The following SLC24A2 variants were observed in gnomAD, a reference collection of about 807,000 sequenced individuals.
SLC24A2 encodes sodium/potassium/calcium exchanger 2.
SLC24A2 carries 36 observed loss-of-function variants against 62.0 expected under a neutral mutation model. The ratio of observed to expected loss-of-function variants is 0.58; its 90% CI spans 0.44 to 0.77. SLC24A2 has a LOEUF of 0.77. SLC24A2 is among the 30% of genes least tolerant of loss of function. The pLI, the probability that SLC24A2 is intolerant of heterozygous loss-of-function variation, is 0.00. For synonymous variants in SLC24A2, 358 were observed against 294.0 expected (o/e 1.22, Z -2.23); for missense variants, 846 against 817.9 (o/e 1.03, Z -0.42).
intron 2 of SLC24A2, among the ~76,000 whole-genome samples, chr9:19,687,598 ACTT>A (rs1391715388): frequency 2.6e-5 from 4 of 151,994 alleles, no homozygotes; most frequent in Middle Eastern, 3.2e-3. Flanking sequence ...GTGTTTCTCA[ACTT>A]CTTCTTGAGC....
At chr9:19,571,923 G>C (rs1323212855) in intron 7 of SLC24A2, among the ~76,000 whole-genome samples, 1 of 152,160 alleles carries the variant, frequency 6.6e-6, no homozygotes, top group African/African-American at 2.4e-5. Context: ...TACAAACTAG[G>C]TAACCCCAAT....
At chr9:19,974,560 C>T in the SLC24A2 span, among the ~76,000 whole-genome samples, 311 of 152,244 alleles carry the variant, frequency 2.0e-3, 6 homozygotes, top group Non-Finnish European at 3.5e-4. Flanking sequence ...TTTTTCCTTG[C>T]AACATCCTAG....
chr9:20,207,093 A>G, the SLC24A2 span, among the ~76,000 whole-genome samples: 1 of 152,212 alleles, frequency 6.6e-6, no homozygotes, highest in Admixed American at 6.5e-5. Flanking sequence ...ATACTGAGTA[A>G]CATTCACTGA....
the SLC24A2 span, among the ~76,000 whole-genome samples, chr9:20,254,590 G>A: frequency 6.6e-6 from 1 of 152,158 alleles, no homozygotes; most frequent in African/African-American, 2.4e-5. Context: ...GTGAAGGGAG[G>A]AGAAGGGTAA....
intron 8 of SLC24A2, among the ~76,000 whole-genome samples, chr9:19,548,014 T>TAAGTGAGCCACACCTGTGTCATGCATC: frequency 6.6e-6 from 1 of 151,734 alleles, no homozygotes; most frequent in East Asian, 1.9e-4. Context: ...AATATTGCTT[T>TAAGTGAGCCACACCTGTGTCATGCATC]AAGTGAGCCA....
intron 4 of SLC24A2, among the ~76,000 whole-genome samples, chr9:19,608,793 TACACAC>T (rs111384476): frequency 1.4e-5 from 2 of 145,894 alleles, no homozygotes; most frequent in Admixed American, 1.4e-4. Context: ...CACACACACA[TACACAC>T]ACACACACAC....
chr9:19,577,156 C>T, intron 5 of SLC24A2, 134 bp from the exon 6 acceptor site: 1 of 757,864 alleles, frequency 1.3e-6, no homozygotes, highest in Non-Finnish European at 2.4e-6. Flanking sequence ...CCCCAATGCA[C>T]CAGGACCTTC....
chr9:20,144,864 G>A, the SLC24A2 span, among the ~76,000 whole-genome samples: 1 of 152,008 alleles, frequency 6.6e-6, no homozygotes, highest in African/African-American at 2.4e-5. Flanking sequence ...AAACTTCAGT[G>A]GTGCTAGTTC....
At chr9:19,958,409 G>A in the SLC24A2 span, among the ~76,000 whole-genome samples, 1 of 152,200 alleles carries the variant, frequency 6.6e-6, no homozygotes, top group South Asian at 2.1e-4. Context: ...CTGTTTCTTT[G>A]CCACCATGGG....
chr9:19,773,998 G>C (rs1036714246), intron 2 of SLC24A2, among the ~76,000 whole-genome samples: 2 of 152,132 alleles, frequency 1.3e-5, no homozygotes, highest in African/African-American at 2.4e-5. Context: ...ATTGGTTGGG[G>C]AACTGCAGAT....
chr9:19,998,158 TA>T, the SLC24A2 span, among the ~76,000 whole-genome samples: 3 of 152,222 alleles, frequency 2.0e-5, no homozygotes, highest in Non-Finnish European at 2.9e-5. Flanking sequence ...ACAAAATCTG[TA>T]ATTATCATTT....
chr9:19,680,417 G>C (rs1271726733), intron 2 of SLC24A2, among the ~76,000 whole-genome samples: 1 of 152,100 alleles, frequency 6.6e-6, no homozygotes, highest in African/African-American at 2.4e-5. Flanking sequence ...GCTGAGGTCA[G>C]GGATGAAAAT....
At chr9:19,592,482 C>A (rs1416014862) in intron 5 of SLC24A2, among the ~76,000 whole-genome samples, 1 of 42,382 alleles carries the variant, frequency 2.4e-5, no homozygotes, top group Non-Finnish European at 5.2e-5. Flanking sequence ...ACCGACCTAC[C>A]TACCTACCTA....
Position 19,606,034 on chromosome 9 carries a change from G to A in SLC24A2, c.1079-8755C>T, listed in dbSNP as rs1279814968. Among the ~76,000 whole-genome samples, 5 of 152,158 alleles carry A rather than the reference G, an allele frequency of 3.3e-5. No individual in the cohort carries two copies. The East Asian group carries it at 7.7e-4, about 23-fold the overall frequency. On this transcript the variant is annotated intron_variant, in intron 4 of 10. Coordinates refer to ENST00000341998, the MANE Select transcript of SLC24A2 (RefSeq NM_020344.4). ...GGGTAGAGAGGGTTTTTCTAAATGG[G>A]CACATTGTGTGATGTCACCTTTGAA...
the SLC24A2 span, among the ~76,000 whole-genome samples, chr9:20,195,045 T>C: frequency 2.0e-5 from 3 of 152,352 alleles, no homozygotes; most frequent in South Asian, 6.2e-4. Flanking sequence ...ATATTGGATA[T>C]GTTCTTTTTG....
intron 8 of SLC24A2, among the ~76,000 whole-genome samples, chr9:19,548,406 C>T (rs1005756414): frequency 2.0e-5 from 3 of 152,064 alleles, no homozygotes; most frequent in African/African-American, 4.8e-5. Flanking sequence ...CTTCTTTGTG[C>T]CTAAGTTTCT....
At chr9:19,984,949 C>G in the SLC24A2 span, among the ~76,000 whole-genome samples, 1 of 151,634 alleles carries the variant, frequency 6.6e-6, no homozygotes, top group South Asian at 2.1e-4. Context: ...ACTAAAACTG[C>G]TCTAAAAAAT....
the SLC24A2 span, among the ~76,000 whole-genome samples, chr9:20,179,334 TA>T: frequency 1.3e-5 from 2 of 152,034 alleles, no homozygotes; most frequent in African/African-American, 2.4e-5. Flanking sequence ...CAAAGCACGC[TA>T]GAGAATGAGA....
intron 5 of SLC24A2, among the ~76,000 whole-genome samples, chr9:19,585,843 GCTTTCTTTAATAATGTTCTATAAGAA>G (rs1414255663): frequency 6.6e-6 from 1 of 152,098 alleles, no homozygotes; most frequent in Non-Finnish European, 1.5e-5. Flanking sequence ...GCCCATTCAG[GCTTTCTTTAATAATGTTCTATAAGAA>G]TGACCTTTGT....
Sources: gnomAD v4.1 joint callset for allele counts (sites outside exome capture counted in the v4.1 genomes callset) on GRCh38, gnomAD v4.1.1 for gene constraint, MANE v1.5 for transcripts, NCBI Gene and HGNC (gene_info 2026-07-23, HGNC 2026-07-21) for gene names.